Variants in FGB observed in about 807,000 individuals in gnomAD.
The protein encoded by FGB is beta-fibrinogen.
A neutral mutation model predicts 57.9 loss-of-function variants in FGB; 25 were observed. The ratio of observed to expected loss-of-function variants is 0.43; its 90% CI spans 0.31 to 0.60. The LOEUF (loss-of-function observed/expected upper bound fraction) is 0.60, where lower values mean the gene tolerates loss of function less well. Ranked by LOEUF, FGB falls within the 20% of genes least tolerant of loss-of-function variation. FGB has a pLI of 0.08. For missense variants in FGB, 536 were observed against 598.4 expected (o/e 0.90, Z 1.09); for synonymous variants, 203 against 199.2 (o/e 1.02, Z -0.16).
At position 154,566,595 on chromosome 4, in the gene FGB, C is replaced by T; in HGVS notation, c.413C>T (p.Ser138Phe). The change falls in exon 3 of 8, where the codon TCC becomes TTC. Residue 138 changes from serine (S) to phenylalanine (F), a missense_variant. Around this residue, in one of 3 missense-constraint regions of FGB, gnomAD observed 354 missense variants for 383.4 expected, o/e 0.92. Transcript: ENST00000302068. Reference protein sequence around the residue: ...DELNNNVEAVSQTSSSSFQYM... With the variant: ...DELNNNVEAVFQTSSSSFQYM... ...TTAAATAACAATGTGGAAGCTGTTT[C>T]CCAGACCTCCTCTTCTTCCTTTCAG... The T allele has an allele frequency of 6.2e-7, 1 of 1,614,098 alleles. No individual in the cohort carries two copies. The highest frequency in any genetic ancestry group is 2.2e-5 in the East Asian group (1 of 44,874).
In FGB at chr4:154,566,666, G is replaced by T. The variant is rs751016082; in HGVS notation, c.484G>T (p.Val162Leu). The stretch of plus-strand genomic sequence containing the variant: ...CCTGTGGCAAAAGAGGCAGAAGCAA[G>T]TAAAAGGTAGATATCCTTGTGCTTT... Reference protein sequence around the residue: ...KDLWQKRQKQVKDNENVVNEY... With the variant: ...KDLWQKRQKQLKDNENVVNEY... The change falls in exon 3 of 8, where the codon GTA becomes TTA. Residue 162 changes from valine to leucine, a missense_variant. Coordinates refer to ENST00000302068, the MANE Select transcript of FGB (RefSeq NM_005141.5). 15 of 1,613,894 alleles carry T rather than the reference G, an allele frequency of 9.3e-6. No homozygotes were observed. In the East Asian group the frequency reaches 3.1e-4, roughly 34 times the overall value.
Position 154,570,452 on chromosome 4 carries a change from A to C in FGB, c.1278A>C (p.Lys426Asn), listed in dbSNP as rs1230647818. The stretch of plus-strand genomic sequence containing the variant: ...CAGATCCCAGAAAACAGTGTTCTAA[A>C]GAAGACGGTGGTGGATGGTGGTATA... ...LTSDPRKQCS[K>N]EDGGGWWYNR... The change falls in exon 8 of 8, where the codon AAA becomes AAC. Residue 426 changes from lysine (K) to asparagine (N), a missense_variant. Lys to Asn is a moderately conservative substitution (Grantham distance 94). Around this residue, in one of 3 missense-constraint regions of FGB, gnomAD observed 177 missense variants for 193.7 expected, o/e 0.91. Transcript: ENST00000302068. 7.4e-6 allele frequency: 12 copies of C among 1,614,032 alleles called. No individual in the cohort carries two copies. Among genetic ancestry groups the C allele is most frequent in the African/African-American group, 1.3e-5 (1 of 74,940 alleles).
Position 154,569,563 on chromosome 4 carries a change from A to T in FGB, c.1008A>T (p.Gly336=). Reference sequence around the variant, plus strand: ...AAATTAGCCAGCTTACCAGGATGGGACCCACAGAACTTTTGATAGAAATGG... The same window carrying T: ...AAATTAGCCAGCTTACCAGGATGGGTCCCACAGAACTTTTGATAGAAATGG... The part of the protein sequence containing the change: ...NDKISQLTRM[G]PTELLIEMED... Residue 336 remains glycine, a synonymous_variant, in exon 7 of 8, where the codon GGA becomes GGT. Coordinates refer to ENST00000302068, the MANE Select transcript of FGB (RefSeq NM_005141.5). 2 of 1,614,064 alleles carry T rather than the reference A, an allele frequency of 1.2e-6. No individual in the cohort carries two copies. The highest frequency in any genetic ancestry group is 1.7e-6 in the Non-Finnish European group (2 of 1,180,002).
rs188621081 is a variant in FGB at position 154,570,999 on chromosome 4, A to G, written c.*349A>G. The stretch of plus-strand genomic sequence containing the variant: ...AGGAAAAACTGATGTTTAAAAGTCC[A>G]CTTTTAAAACTATATTTATTTATGT... On this transcript the variant is annotated 3_prime_UTR_variant, in exon 8 of 8. Transcript: ENST00000302068. 1 of 342,292 alleles carries G rather than the reference A, an allele frequency of 2.9e-6. No homozygotes were observed. Among genetic ancestry groups the G allele is most frequent in the Admixed American group, 4.5e-5 (1 of 22,456 alleles). 21.2% of individuals were successfully genotyped at this position (342,292 alleles called of 1,614,324 possible). A position where few individuals can be genotyped will look rare whatever the true frequency, so the allele number is the denominator to read the frequency against.
Position 154,565,569 on chromosome 4 carries a change from T to G in FGB, c.115-239T>G, listed in dbSNP as rs918317533. On this transcript the variant is annotated intron_variant, in intron 1 of 7. Transcript: ENST00000302068. ...CTATTCATAATCTGATACAGCTTTA[T>G]CCTAAGGCCTCTCTTTAAAAACTAC... 22 of 536,008 alleles carry G rather than the reference T, an allele frequency of 4.1e-5. No individual in the cohort carries two copies. In the Admixed American group the frequency reaches 6.9e-4, roughly 17 times the overall value. The allele number at this position is 536,008 out of a possible 1,614,324, so 33.2% of individuals were successfully genotyped here.
chr4:154,564,008 C>T (rs1038230019), intron 1 of FGB, among the ~76,000 whole-genome samples: 1 of 151,894 alleles, frequency 6.6e-6, no homozygotes, highest in African/African-American at 2.4e-5. Context: ...TCAGACTCTA[C>T]ATGTAAGAAC....
chr4:154,568,565 G>T, intron 5 of FGB, 71 bp downstream of exon 5: 1 of 898,726 alleles, frequency 1.1e-6, no homozygotes, highest in South Asian at 1.3e-5. Flanking sequence ...AGGAAACAAG[G>T]CCAGGTGTGG....
chr4:154,564,711 T>C lies in FGB; in HGVS notation c.115-1097T>C, dbSNP rs377677775. ...GTTGTTGCTCAGTTGTTCCAAATCA[T>C]GTCGTTTGTTAATTTGTAATTAAGC... is the stretch of plus-strand genomic sequence containing the variant. On this transcript the variant is annotated intron_variant, in intron 1 of 7. Coordinates refer to ENST00000302068, the MANE Select transcript of FGB (RefSeq NM_005141.5). 3.4e-4 allele frequency among the ~76,000 whole-genome samples: 51 copies of C among 152,166 alleles called. No individual in the cohort carries two copies. In the East Asian group the frequency reaches 4.4e-3, roughly 13 times the overall value.
chr4:154,568,744 G>C (rs1173578147), intron 5 of FGB, among the ~76,000 whole-genome samples: 2 of 148,798 alleles, frequency 1.3e-5, no homozygotes, highest in African/African-American at 5.0e-5. Context: ...TGTGCCTGTA[G>C]TCCCAGCTAT....
chr4:154,568,520 G>A, intron 5 of FGB, 26 bp downstream of exon 5: 2 of 1,185,810 alleles, frequency 1.7e-6, no homozygotes, highest in South Asian at 1.2e-5. Flanking sequence ...TTGTTGACCT[G>A]TTGATCTGTA....
chr4:154,565,234 C>A (rs917156128), intron 1 of FGB: 1 of 462,324 alleles, frequency 2.2e-6, no homozygotes. Flanking sequence ...GGTCTCATAG[C>A]TGTAAGTCAA....
rs1162869260 is a variant in FGB, at chr4:154,572,141, A to T, written c.*1491A>T. Among the ~76,000 whole-genome samples the T allele has an allele frequency of 2.6e-5, 4 of 152,224 alleles. No homozygotes were observed. The highest frequency in any genetic ancestry group is 4.4e-5 in the Non-Finnish European group (3 of 68,044). On this transcript the variant is annotated 3_prime_UTR_variant, in exon 8 of 8. Transcript: ENST00000302068. ...TTTTAGCTGGAGTAAAAATGGTCCC[A>T]GTACCATTTCCTGTTCCCTTCACTA...
At chr4:154,566,704 CA>C in intron 3 of FGB, 32 bp downstream of exon 3, 1 of 1,605,648 alleles carries the variant, frequency 6.2e-7, no homozygotes, top group Non-Finnish European at 8.5e-7. Context: ...ATTCGATTTT[CA>C]GCTATAAAAT....
Position 154,569,636 on chromosome 4 carries a change from G to A in FGB, c.1081G>A (p.Val361Ile), listed in dbSNP as rs748566219. The change falls in exon 7 of 8, where the codon GTA (valine) becomes ATA (isoleucine). Residue 361 changes from valine to isoleucine, a missense_variant. Val to Ile is a conservative substitution (Grantham distance 29). Coordinates refer to ENST00000302068, the MANE Select transcript of FGB (RefSeq NM_005141.5). The part of the protein sequence containing the change: ...KVKAHYGGFT[V>I]QNEANKYQIS... The stretch of plus-strand genomic sequence containing the variant: ...AAAGGCTCACTATGGAGGATTCACT[G>A]TACAGAATGAAGCCAACAAATACCA... 1 of 1,614,134 alleles carries A rather than the reference G, an allele frequency of 6.2e-7. No individual in the cohort carries two copies. Among genetic ancestry groups the A allele is most frequent in the African/African-American group, 1.3e-5 (1 of 75,036 alleles).
In FGB at chr4:154,563,022, A is replaced by G. The variant is rs6053; in HGVS notation, c.4A>G (p.Lys2Glu). 1.6e-4 allele frequency: 239 copies of G among 1,507,140 alleles called. No homozygotes were observed. Among genetic ancestry groups the G allele is most frequent in the Non-Finnish European group, 2.0e-4 (219 of 1,100,844 alleles). The allele number at this position is 1,507,140 out of a possible 1,614,324, so 93.4% of individuals were successfully genotyped here. The part of the protein sequence containing the change: M[K>E]RMVSWSFHKL... ...AAGATCTCTCAGTTAAGTCTACATG[A>G]AAAGGATGGTTTCTTGGAGCTTCCA... Residue 2 changes from lysine to glutamate, a missense_variant, in exon 1 of 8, where the codon AAA (lysine) becomes GAA (glutamate). By Grantham distance (56) the Lys-to-Glu change is moderately conservative. Coordinates refer to ENST00000302068, the MANE Select transcript of FGB (RefSeq NM_005141.5).
rs1730407234 is a variant in FGB, at chr4:154,571,144, A to G, written c.*494A>G. 1 of 207,738 alleles carries G rather than the reference A, an allele frequency of 4.8e-6. No individual in the cohort carries two copies. Among genetic ancestry groups the G allele is most frequent in the African/African-American group, 2.4e-5 (1 of 41,936 alleles). The allele number at this position is 207,738 out of a possible 1,614,324, so 12.9% of individuals were successfully genotyped here. A position where few individuals can be genotyped will look rare whatever the true frequency, so the allele number is the denominator to read the frequency against. On this transcript the variant is annotated 3_prime_UTR_variant, in exon 8 of 8. Transcript: ENST00000302068. Reference sequence around the variant, plus strand: ...TCAATGAGTTAGGCTTTGCACTTGTAAGGAAGGAGAAGCGTTCACAACCTC... The same window carrying G: ...TCAATGAGTTAGGCTTTGCACTTGTGAGGAAGGAGAAGCGTTCACAACCTC...
At position 154,569,242 on chromosome 4, in the gene FGB, C is replaced by T; in HGVS notation, c.893C>T (p.Pro298Leu). Residue 298 changes from proline (P) to leucine (L), a missense_variant, in exon 6 of 8, where the codon CCA becomes CTA. By Grantham distance (98) the Pro-to-Leu change is moderately conservative. Transcript: ENST00000302068. ...GTTGACTTTGGCAGGAAATGGGATC[C>T]ATATAAACAGGGATTTGGAAATGTT... ...GSVDFGRKWDPYKQGFGNVAT... is the reference protein window; with the variant it reads ...GSVDFGRKWDLYKQGFGNVAT... 1 of 1,613,992 alleles carries T rather than the reference C, an allele frequency of 6.2e-7. No homozygotes were observed. Among genetic ancestry groups the T allele is most frequent in the Non-Finnish European group, 8.5e-7 (1 of 1,179,930 alleles).
Position 154,571,434 on chromosome 4 carries a change from A to T in FGB, c.*784A>T, listed in dbSNP as rs1414467433. The stretch of plus-strand genomic sequence containing the variant: ...CATTGAGCCAAGATCTCAACACTGC[A>T]CTCCAGCCTGGGCAACAGCGTGAGA... On this transcript the variant is annotated 3_prime_UTR_variant, in exon 8 of 8. Transcript: ENST00000302068. Among the ~76,000 whole-genome samples, 1 of 148,320 alleles carries T rather than the reference A, an allele frequency of 6.7e-6. No individual in the cohort carries two copies. The highest frequency in any genetic ancestry group is 2.0e-4 in the East Asian group (1 of 5,066).
chr4:154,567,590 C>A lies in FGB; in HGVS notation c.491-3C>A, dbSNP rs112906246. 1 of 1,554,046 alleles carries A rather than the reference C, an allele frequency of 6.4e-7. No individual in the cohort carries two copies. Among genetic ancestry groups the A allele is most frequent in the Non-Finnish European group, 8.9e-7 (1 of 1,125,490 alleles). On this transcript the variant is annotated splice_region_variant and splice_polypyrimidine_tract_variant and intron_variant, in intron 3 of 7. Coordinates refer to ENST00000302068, the MANE Select transcript of FGB (RefSeq NM_005141.5). ...CTATTTCTACATAATTTCATTTTTC[C>A]AGATAATGAAAATGTAGTCAATGAG...
Sources: allele counts gnomAD v4.1 joint callset (sites outside exome capture counted in the v4.1 genomes callset), GRCh38; gene constraint gnomAD v4.1.1; regional missense constraint gnomAD v4.1.1; transcripts MANE v1.5; gene names NCBI Gene and HGNC (gene_info 2026-07-23, HGNC 2026-07-21).